The following LRRIQ1 variants were observed in gnomAD, a reference collection of about 807,000 sequenced individuals.
LRRIQ1 encodes the protein leucine rich repeats and IQ motif containing 1, also known as leucine-rich repeat- and IQ domain-containing protein 1.
In LRRIQ1, 210 loss-of-function variants were observed where a neutral mutation model predicts 211.9. That is an observed-to-expected ratio of 0.99 (90% CI 0.89 to 1.11). LRRIQ1 has a LOEUF of 1.11. Among genes scored for constraint, LRRIQ1 ranks in the 50% most tolerant of loss-of-function variants. The pLI is 0.00. For missense variants in LRRIQ1, 2,136 were observed against 1,939.5 expected (o/e 1.10, Z -1.90); for synonymous variants, 699 against 650.1 (o/e 1.08, Z -1.14).
intron 15 of LRRIQ1, 57 bp from the exon 16 acceptor site, chr12:85,121,640 G>A: frequency 4.6e-6 from 6 of 1,293,094 alleles, no homozygotes; most frequent in Non-Finnish European, 6.3e-6. Context: ...TGGTTATTTA[G>A]ATACATACTC....
chr12:85,048,272 A>T (rs769557733), intron 6 of LRRIQ1: 3 of 152,264 alleles, frequency 2.0e-5, no homozygotes, highest in Admixed American at 6.5e-5. Context: ...AAATAAACAC[A>T]TTAAAGGCTG....
At chr12:85,235,896 ATAG>A (rs1248676925) in intron 26 of LRRIQ1, among the ~76,000 whole-genome samples, 1 of 152,222 alleles carries the variant, frequency 6.6e-6, no homozygotes, top group Non-Finnish European at 1.5e-5. Flanking sequence ...TTGAAAAAGA[ATAG>A]TAAGTTGTGT....
chr12:85,221,129 C>T (rs1048798404), intron 24 of LRRIQ1, among the ~76,000 whole-genome samples: 2 of 151,932 alleles, frequency 1.3e-5, no homozygotes, highest in South Asian at 4.2e-4. Flanking sequence ...GTGTTTAATT[C>T]CATACCATTA....
At chr12:85,173,587 C>T (rs1891524120) in intron 24 of LRRIQ1, among the ~76,000 whole-genome samples, 1 of 151,884 alleles carries the variant, frequency 6.6e-6, no homozygotes, top group Admixed American at 6.6e-5. Context: ...CCTGCTCACT[C>T]AGAAAGCTAG....
At chr12:85,083,172 T>G (rs989970968) in intron 11 of LRRIQ1, among the ~76,000 whole-genome samples, 1 of 152,186 alleles carries the variant, frequency 6.6e-6, no homozygotes, top group African/African-American at 2.4e-5. Flanking sequence ...TGAATTTTGT[T>G]TCCTTAAGTT....
At chr12:85,204,867 G>A (rs1177355511) in intron 24 of LRRIQ1, among the ~76,000 whole-genome samples, 1 of 152,142 alleles carries the variant, frequency 6.6e-6, no homozygotes, top group Admixed American at 6.5e-5. Flanking sequence ...GACTTTGAGG[G>A]ACCATTGGGA....
chr12:85,123,283 A>T (rs141699152), intron 16 of LRRIQ1, among the ~76,000 whole-genome samples: 1 of 152,002 alleles, frequency 6.6e-6, no homozygotes, highest in Non-Finnish European at 1.5e-5. Context: ...TTTTTTATAT[A>T]CTGTATTTTT....
the LRRIQ1 span, among the ~76,000 whole-genome samples, chr12:85,271,363 C>G: frequency 6.6e-6 from 1 of 152,056 alleles, no homozygotes; most frequent in Non-Finnish European, 1.5e-5. Flanking sequence ...AATTCTAACT[C>G]AAGTCAATCC....
intron 10 of LRRIQ1, among the ~76,000 whole-genome samples, chr12:85,071,078 A>C (rs1883030597): frequency 6.6e-6 from 1 of 151,962 alleles, no homozygotes; most frequent in South Asian, 2.1e-4. Flanking sequence ...TTTTATATGT[A>C]ACACAGATTC....
At chr12:85,144,045 T>TA (rs1398592971) in intron 19 of LRRIQ1, among the ~76,000 whole-genome samples, 2 of 151,666 alleles carry the variant, frequency 1.3e-5, no homozygotes, top group East Asian at 3.9e-4. Flanking sequence ...ACAACTAGTT[T>TA]ATTGATCCTC....
chr12:85,098,205 G>T, intron 11 of LRRIQ1, 150 bp from the exon 12 acceptor site: 1 of 557,028 alleles, frequency 1.8e-6, no homozygotes, highest in African/African-American at 2.0e-5. Context: ...TACAAGATAT[G>T]TTTCACCAGG....
intron 24 of LRRIQ1, among the ~76,000 whole-genome samples, chr12:85,209,818 C>A (rs1264274712): frequency 6.6e-6 from 1 of 151,984 alleles, no homozygotes; most frequent in Non-Finnish European, 1.5e-5. Flanking sequence ...AAAAAAAATA[C>A]AATTACCCTC....
chr12:85,047,197 G>C lies in LRRIQ1; in HGVS notation c.455-50G>C, dbSNP rs192354660. 1.6e-5 allele frequency: 22 copies of C among 1,345,912 alleles called. No homozygotes were observed. In the Admixed American group the frequency reaches 3.9e-4, roughly 24 times the overall value. 83.4% of individuals were successfully genotyped at this position (1,345,912 alleles called of 1,614,324 possible). ...TACTTTTATACTTTGAATTAGTTTTGACAGTTTTGATCTTACAAATGATGA... is the reference window on the plus strand; with the variant it reads ...TACTTTTATACTTTGAATTAGTTTTCACAGTTTTGATCTTACAAATGATGA... On this transcript the variant is annotated intron_variant, in intron 5 of 26. Coordinates refer to ENST00000393217, the MANE Select transcript of LRRIQ1 (RefSeq NM_001079910.2).
At position 85,214,609 on chromosome 12, in the gene LRRIQ1, T is replaced by C. The variant is rs186778757; in HGVS notation, c.4823-14908T>C. Among the ~76,000 whole-genome samples the C allele has an allele frequency of 1.2e-4, 18 of 152,130 alleles. No individual in the cohort carries two copies. In the East Asian group the frequency reaches 3.3e-3, roughly 28 times the overall value. On this transcript the variant is annotated intron_variant, in intron 24 of 26. Transcript: ENST00000393217. The stretch of plus-strand genomic sequence containing the variant: ...CCATACATATAATGTTTAGTTGATA[T>C]TGTTATAGAGGTTGCATTCCAAATC...
At chr12:85,210,284 C>A (rs987819589) in intron 24 of LRRIQ1, among the ~76,000 whole-genome samples, 1 of 151,748 alleles carries the variant, frequency 6.6e-6, no homozygotes, top group Admixed American at 6.6e-5. Flanking sequence ...AGCTTTTTCA[C>A]ACATTTGGAG....
At chr12:85,226,428 G>A (rs911238509) in intron 24 of LRRIQ1, among the ~76,000 whole-genome samples, 1 of 151,936 alleles carries the variant, frequency 6.6e-6, no homozygotes, top group Non-Finnish European at 1.5e-5. Flanking sequence ...AGTAGCTGGG[G>A]TTTTGCTAGA....
At chr12:85,151,937 G>C (rs1312624986) in intron 19 of LRRIQ1, among the ~76,000 whole-genome samples, 1 of 151,724 alleles carries the variant, frequency 6.6e-6, no homozygotes, top group East Asian at 1.9e-4. Context: ...TGTCTGTAGT[G>C]TAAGAGCTAA....
At chr12:85,134,463 G>T (rs1319580424) in intron 18 of LRRIQ1, among the ~76,000 whole-genome samples, 1 of 151,838 alleles carries the variant, frequency 6.6e-6, no homozygotes, top group Admixed American at 6.6e-5. Context: ...AGATTTTTTT[G>T]TCTGTTTTAG....
intron 24 of LRRIQ1, among the ~76,000 whole-genome samples, chr12:85,185,678 T>C (rs1892195092): frequency 6.6e-6 from 1 of 152,000 alleles, no homozygotes; most frequent in Non-Finnish European, 1.5e-5. Context: ...GATTCATAAA[T>C]TTCAAATTGT....
Sources: allele counts gnomAD v4.1 joint callset (sites outside exome capture counted in the v4.1 genomes callset), GRCh38; gene constraint gnomAD v4.1.1; transcripts MANE v1.5; gene names NCBI Gene and HGNC (gene_info 2026-07-23, HGNC 2026-07-21).